Variants in LIMS4 observed in about 807,000 individuals in gnomAD.
LIMS4 encodes the protein LIM zinc finger domain containing 4.
chr2:110,425,681 A>G, the LIMS4 span, among the ~76,000 whole-genome samples: 1 of 142,354 alleles, frequency 7.0e-6, no homozygotes, highest in South Asian at 2.1e-4. Context: ...GCGTGCCTGG[A>G]TGGGACGCTG....
the LIMS4 span, among the ~76,000 whole-genome samples, chr2:110,382,094 AAAAAATATATATATAT>A: frequency 9.5e-5 from 8 of 83,974 alleles, no homozygotes; most frequent in South Asian, 3.9e-4. Context: ...AAAAAAAAAA[AAAAAATATATATATAT>A]ATATATATAT....
the LIMS4 span, among the ~76,000 whole-genome samples, chr2:110,396,036 G>A: frequency 1.5e-5 from 2 of 137,746 alleles, 1 homozygote; most frequent in East Asian, 4.2e-4. Context: ...GCTTCAGATG[G>A]ATGAGGGCGT....
chr2:110,362,314 G>A, the LIMS4 span: 1 of 1,503,182 alleles, frequency 6.7e-7, no homozygotes, highest in South Asian at 1.3e-5. Context: ...GACTGTCCCA[G>A]TTATGCCAGA....
At chr2:110,385,210 C>G in the LIMS4 span, among the ~76,000 whole-genome samples, 1 of 150,252 alleles carries the variant, frequency 6.7e-6, no homozygotes, top group African/African-American at 2.5e-5. Flanking sequence ...GGGGCCTAAA[C>G]AAACAAACAA....
At chr2:110,361,099 G>A in the LIMS4 span, 7 of 849,846 alleles carry the variant, frequency 8.2e-6, 1 homozygote, top group Non-Finnish European at 1.4e-5. Context: ...GGACCTTGGG[G>A]TCTTCTTTTA....
the LIMS4 span, among the ~76,000 whole-genome samples, chr2:110,381,992 G>A: frequency 6.2e-5 from 4 of 64,654 alleles, no homozygotes; most frequent in Admixed American, 1.9e-4. Flanking sequence ...ACTTAAACCC[G>A]TGACGCAGAG....
chr2:110,390,061 C>T, the LIMS4 span, among the ~76,000 whole-genome samples: 4 of 131,360 alleles, frequency 3.0e-5, no homozygotes, highest in Non-Finnish European at 4.7e-5. Context: ...GAAAGAAGAC[C>T]TCAGTTTCCT....
At chr2:110,425,258 A>G in the LIMS4 span, among the ~76,000 whole-genome samples, 1 of 143,436 alleles carries the variant, frequency 7.0e-6, no homozygotes, top group African/African-American at 2.9e-5. Flanking sequence ...ATGGTGGCAA[A>G]CCTATAGTGG....
At chr2:110,390,848 G>C in the LIMS4 span, among the ~76,000 whole-genome samples, 1 of 152,272 alleles carries the variant, frequency 6.6e-6, no homozygotes, top group Non-Finnish European at 1.5e-5. Flanking sequence ...GCACCATCTG[G>C]AGGGGGAGCG....
chr2:110,395,872 C>A, the LIMS4 span, among the ~76,000 whole-genome samples: 4 of 131,972 alleles, frequency 3.0e-5, no homozygotes, highest in Non-Finnish European at 4.7e-5. Flanking sequence ...TGTGCAGGGC[C>A]CAGGCCACCT....
the LIMS4 span, among the ~76,000 whole-genome samples, chr2:110,390,340 C>T: frequency 1.3e-4 from 18 of 137,026 alleles, 1 homozygote; most frequent in South Asian, 2.4e-4. Context: ...GAAGTGGAGC[C>T]GGGGCCACCT....
At chr2:110,418,583 C>A in the LIMS4 span, among the ~76,000 whole-genome samples, 1 of 47,378 alleles carries the variant, frequency 2.1e-5, no homozygotes, top group Non-Finnish European at 3.6e-5. Context: ...AACATGCAGT[C>A]AAGACTGAAA....
the LIMS4 span, among the ~76,000 whole-genome samples, chr2:110,371,611 ACTAT>A: frequency 2.2e-5 from 3 of 135,908 alleles, no homozygotes; most frequent in African/African-American, 3.6e-5. Context: ...GAACCTGATA[ACTAT>A]CTGTCTCTTT....
chr2:110,373,690 T>C, the LIMS4 span, among the ~76,000 whole-genome samples: 2 of 151,226 alleles, frequency 1.3e-5, no homozygotes, highest in Non-Finnish European at 2.9e-5. Context: ...GGCTAGTCCC[T>C]TGCTCTCTGA....
At chr2:110,371,209 ATACT>A in the LIMS4 span, among the ~76,000 whole-genome samples, 6 of 118,862 alleles carry the variant, frequency 5.0e-5, no homozygotes, top group South Asian at 5.7e-4. Flanking sequence ...AATACAACAA[ATACT>A]TACTGTTTCG....
chr2:110,392,211 G>A, the LIMS4 span, among the ~76,000 whole-genome samples: 1 of 151,676 alleles, frequency 6.6e-6, no homozygotes, highest in Non-Finnish European at 1.5e-5. Flanking sequence ...AGGATGGGAG[G>A]GAAACTGTGC....
downstream of LIMS4, among the ~76,000 whole-genome samples, chr2:110,442,830 T>C (rs1180143259): frequency 1.3e-5 from 2 of 151,166 alleles, no homozygotes; most frequent in East Asian, 3.9e-4. Context: ...TCCTGAGTAG[T>C]TGGGACTACA....
At chr2:110,373,609 G>C in the LIMS4 span, among the ~76,000 whole-genome samples, 7 of 151,358 alleles carry the variant, frequency 4.6e-5, no homozygotes, top group Admixed American at 3.3e-4. Context: ...ACTCCACAGA[G>C]GGGGAAACTG....
At chr2:110,376,110 C>T in the LIMS4 span, 1 of 120,820 alleles carries the variant, frequency 8.3e-6, no homozygotes. Flanking sequence ...CTTCCTCCAT[C>T]CTCAAAGCCA....
Sources: allele counts gnomAD v4.1 joint callset (sites outside exome capture counted in the v4.1 genomes callset), GRCh38; gene constraint gnomAD v4.1.1; transcripts MANE v1.5; gene names NCBI Gene and HGNC (gene_info 2026-07-23, HGNC 2026-07-21).